STIM1: variants seen among roughly 807,000 people sequenced by gnomAD.
STIM1 encodes the protein stromal interaction molecule 1.
In STIM1, 25 loss-of-function variants were observed where a neutral mutation model predicts 74.7. That is an observed-to-expected ratio of 0.33 (90% CI 0.24 to 0.47). STIM1 has a LOEUF of 0.47. STIM1 is among the 20% of genes least tolerant of loss of function. The pLI, the probability that STIM1 is intolerant of heterozygous loss-of-function variation, is 1.00. For missense variants in STIM1, 728 were observed against 920.8 expected (o/e 0.79, Z 2.71); for synonymous variants, 328 against 348.8 (o/e 0.94, Z 0.66).
intron 1 of STIM1, among the ~76,000 whole-genome samples, chr11:3,943,956 C>T (rs2093041560): frequency 1.3e-5 from 2 of 152,298 alleles, no homozygotes; most frequent in South Asian, 4.1e-4. Flanking sequence ...TATTGAAGTA[C>T]AAGCTAGAAA....
intron 2 of STIM1, among the ~76,000 whole-genome samples, chr11:4,016,843 AG>A (rs2093902740): frequency 6.6e-6 from 1 of 152,262 alleles, no homozygotes; most frequent in African/African-American, 2.4e-5. Flanking sequence ...GCTAGCAGCA[AG>A]GAAGGCTCTG....
At position 4,070,214 on chromosome 11, in the gene STIM1, C is replaced by T; in HGVS notation, c.791+11C>T. On this transcript the variant is annotated intron_variant, in intron 6 of 12. Coordinates refer to ENST00000526596, the MANE Select transcript of STIM1 (RefSeq NM_001382567.1). ...TGACCTTCAGGAAAGGTAAGGCCTG[C>T]CCCTTCAGGAAAGGTGAGGCCCTGC... is the stretch of plus-strand genomic sequence containing the variant. 4 of 1,613,548 alleles carry T rather than the reference C, an allele frequency of 2.5e-6. No homozygotes were observed. Among genetic ancestry groups the T allele is most frequent in the Non-Finnish European group, 3.4e-6 (4 of 1,179,950 alleles).
At chr11:3,962,161 T>C (rs747508260) in intron 1 of STIM1, among the ~76,000 whole-genome samples, 1 of 152,182 alleles carries the variant, frequency 6.6e-6, no homozygotes, top group East Asian at 1.9e-4. Flanking sequence ...GGGCTTTTAG[T>C]GTACCTAGTG....
At chr11:4,002,417 C>G (rs565660449) in intron 2 of STIM1, among the ~76,000 whole-genome samples, 5 of 152,290 alleles carry the variant, frequency 3.3e-5, no homozygotes, top group African/African-American at 7.2e-5. Flanking sequence ...CAAACTAGAA[C>G]TCAGGATTAA....
At chr11:3,900,331 G>A (rs761860151) in intron 1 of STIM1, among the ~76,000 whole-genome samples, 13 of 152,272 alleles carry the variant, frequency 8.5e-5, no homozygotes, top group East Asian at 1.9e-4. Flanking sequence ...TCCAGGTGCC[G>A]TCTGTCGTCC....
At chr11:4,017,636 G>C (rs748843747) in intron 2 of STIM1, among the ~76,000 whole-genome samples, 7 of 152,172 alleles carry the variant, frequency 4.6e-5, no homozygotes, top group Non-Finnish European at 7.3e-5. Context: ...AGGCTTGCTT[G>C]TGGTAACTGT....
intron 1 of STIM1, among the ~76,000 whole-genome samples, chr11:3,923,608 C>CA (rs770788044): frequency 0.31 from 33,045 of 107,948 alleles, 8,781 homozygotes; most frequent in African/African-American, 0.71. Flanking sequence ...GACCCTATCT[C>CA]AAAAAAAAAA....
At chr11:3,864,328 A>G (rs992899872) in intron 1 of STIM1, among the ~76,000 whole-genome samples, 1 of 152,166 alleles carries the variant, frequency 6.6e-6, no homozygotes, top group Non-Finnish European at 1.5e-5. Flanking sequence ...TATCTCATAG[A>G]TTCTGTGCAT....
At chr11:3,877,605 A>G (rs2091348579) in intron 1 of STIM1, among the ~76,000 whole-genome samples, 1 of 152,190 alleles carries the variant, frequency 6.6e-6, no homozygotes, top group South Asian at 2.1e-4. Context: ...CATAAGGTAG[A>G]GCAGAGTGTG....
intron 1 of STIM1, among the ~76,000 whole-genome samples, chr11:3,965,713 A>C (rs1269161013): frequency 6.6e-6 from 1 of 152,216 alleles, no homozygotes; most frequent in East Asian, 1.9e-4. Flanking sequence ...TTCTTTTATC[A>C]AACCATTGCA....
At chr11:4,005,470 T>G (rs528998943) in intron 2 of STIM1, among the ~76,000 whole-genome samples, 3 of 150,756 alleles carry the variant, frequency 2.0e-5, no homozygotes, top group African/African-American at 7.3e-5. Flanking sequence ...CTCAGTAAAC[T>G]ATCGCAAGGA....
intron 2 of STIM1, among the ~76,000 whole-genome samples, chr11:4,003,073 A>T (rs1172425340): frequency 6.7e-6 from 1 of 148,238 alleles, no homozygotes; most frequent in African/African-American, 2.5e-5. Flanking sequence ...CAATAACAGG[A>T]TCTGAAATTG....
At chr11:3,934,568 A>G (rs552732550) in intron 1 of STIM1, among the ~76,000 whole-genome samples, 1 of 152,324 alleles carries the variant, frequency 6.6e-6, no homozygotes, top group South Asian at 2.1e-4. Context: ...ACCTCTCTTT[A>G]GCAAGCACAG....
chr11:4,012,976 A>T (rs1419085540), intron 2 of STIM1, among the ~76,000 whole-genome samples: 1 of 152,178 alleles, frequency 6.6e-6, no homozygotes, highest in Admixed American at 6.5e-5. Flanking sequence ...GCATCTATTG[A>T]GATAATCATG....
At chr11:3,857,359 C>T (rs1201601435) in intron 1 of STIM1, among the ~76,000 whole-genome samples, 2 of 151,896 alleles carry the variant, frequency 1.3e-5, no homozygotes, top group African/African-American at 4.8e-5. Flanking sequence ...TCAAGTGATC[C>T]TCCTGCCTCA....
At chr11:4,082,690 C>T (rs1444401594) in intron 8 of STIM1, among the ~76,000 whole-genome samples, 192 bp from the exon 9 acceptor site, 1 of 152,310 alleles carries the variant, frequency 6.6e-6, no homozygotes, top group East Asian at 1.9e-4. Context: ...TCTCCCCTCG[C>T]TTTCTCTATT....
intron 1 of STIM1, among the ~76,000 whole-genome samples, chr11:3,867,769 G>A (rs1013617362): frequency 1.3e-5 from 2 of 152,178 alleles, no homozygotes; most frequent in Admixed American, 6.5e-5. Flanking sequence ...CCCTTTCCTC[G>A]GTTGGCCATA....
In STIM1 at chr11:3,878,537, G is replaced by A. The variant is rs199584983; in HGVS notation, c.139+22128G>A. On this transcript the variant is annotated intron_variant, in intron 1 of 12. Transcript: ENST00000526596. The stretch of plus-strand genomic sequence containing the variant: ...GGAAACTGGGAATTAAAGAGCTTTG[G>A]TTACTTGTGGAAGGTCACTCATCTG... Among the ~76,000 whole-genome samples the A allele has an allele frequency of 2.3e-4, 35 of 152,200 alleles. 2 individuals carry two copies. The East Asian group carries it at 6.0e-3, about 26-fold the overall frequency.
At chr11:4,004,078 A>G (rs946104638) in intron 2 of STIM1, among the ~76,000 whole-genome samples, 23 of 152,206 alleles carry the variant, frequency 1.5e-4, no homozygotes, top group Non-Finnish European at 2.5e-4. Flanking sequence ...CCACTGCTCA[A>G]TGAAATAAAA....
Sources: gnomAD v4.1 joint callset for allele counts (sites outside exome capture counted in the v4.1 genomes callset) on GRCh38, gnomAD v4.1.1 for gene constraint, MANE v1.5 for transcripts, NCBI Gene and HGNC (gene_info 2026-07-23, HGNC 2026-07-21) for gene names.